EFR3B: variants seen among roughly 807,000 people sequenced by gnomAD.
The protein encoded by EFR3B is EFR3 homolog B, also known as protein EFR3 homolog B.
Under a neutral mutation model 104.7 loss-of-function variants are expected in EFR3B, and 64 were observed. The ratio of observed to expected loss-of-function variants is 0.61; its 90% CI spans 0.50 to 0.75. The LOEUF (loss-of-function observed/expected upper bound fraction) is 0.75. Among genes scored for constraint, EFR3B ranks in the 30% least tolerant of loss-of-function variants. The pLI is 0.00. For synonymous variants in EFR3B, 385 were observed against 417.9 expected, an observed-to-expected ratio of 0.92 and a Z score of 0.96; for missense variants, 750 against 1,078.5, an observed-to-expected ratio of 0.70 and a Z score of 4.27.
chr2:25,043,314 C>T (rs1187989977), intron 1 of EFR3B, among the ~76,000 whole-genome samples: 1 of 152,212 alleles, frequency 6.6e-6, no homozygotes, highest in Non-Finnish European at 1.5e-5. Context: ...TCAGGCTGCA[C>T]TTGAGGGGTC....
intron 1 of EFR3B, among the ~76,000 whole-genome samples, chr2:25,061,302 G>A (rs1283960561): frequency 6.6e-6 from 1 of 151,774 alleles, no homozygotes; most frequent in African/African-American, 2.4e-5. Context: ...TGGTAGAGAC[G>A]GGGTTTCACC....
At chr2:25,140,578 C>G (rs1409505691) in intron 16 of EFR3B, among the ~76,000 whole-genome samples, 3 of 152,118 alleles carry the variant, frequency 2.0e-5, no homozygotes, top group Admixed American at 6.5e-5. Flanking sequence ...CCCTCCACTT[C>G]TTACCACCTT....
chr2:25,136,714 G>C lies in EFR3B; in HGVS notation c.1560+116G>C, dbSNP rs1403435124. On this transcript the variant is annotated intron_variant, in intron 14 of 22. Transcript: ENST00000403714. The surrounding 1 kb of genome is among the most constrained non-coding windows in gnomAD (Gnocchi z 4.0). ...ATAGATCACTTGAGGTGGGGAGCTC[G>C]AGACCAGCCAGACCAACATGGTAAA... The C allele has an allele frequency of 8.6e-6, 7 of 814,432 alleles. No individual in the cohort carries two copies. The Admixed American group carries it at 1.6e-4, about 18-fold the overall frequency. 50.5% of individuals were successfully genotyped at this position (814,432 alleles called of 1,614,324 possible).
intron 3 of EFR3B, among the ~76,000 whole-genome samples, chr2:25,102,516 C>T (rs965395695): frequency 2.6e-5 from 4 of 152,040 alleles, no homozygotes; most frequent in African/African-American, 2.4e-5. Context: ...GAGAGCTGAG[C>T]GAAGGGGGAA....
intron 1 of EFR3B, among the ~76,000 whole-genome samples, chr2:25,085,343 A>C (rs1482586432): frequency 2.6e-5 from 4 of 152,236 alleles, no homozygotes; most frequent in African/African-American, 9.6e-5. Flanking sequence ...AAACTCTAAA[A>C]TTAGGGCTGT....
intron 4 of EFR3B, among the ~76,000 whole-genome samples, chr2:25,108,858 G>C (rs1403096040): frequency 6.8e-6 from 1 of 147,006 alleles, no homozygotes; most frequent in Non-Finnish European, 1.5e-5. Context: ...ATTCAGCCGG[G>C]GTGTGGTGGT....
chr2:25,064,259 C>T (rs538983262), intron 1 of EFR3B, among the ~76,000 whole-genome samples: 3 of 152,232 alleles, frequency 2.0e-5, no homozygotes, highest in African/African-American at 7.2e-5. Flanking sequence ...TTTGGGCGTT[C>T]GAATGATTGA....
intron 3 of EFR3B, among the ~76,000 whole-genome samples, chr2:25,093,619 G>A (rs573246085): frequency 1.3e-5 from 2 of 152,278 alleles, no homozygotes; most frequent in African/African-American, 4.8e-5. Context: ...TGCTGCTGAG[G>A]TTTGGGAAGA....
chr2:25,155,894 T>C lies in EFR3B; in HGVS notation c.*1554T>C, dbSNP rs747777322. ...TTCTAGAGATGGGGGTCTCACTATG[T>C]TGCCCAGGCTGGCCTCGAACTCCTG... On this transcript the variant is annotated 3_prime_UTR_variant, in exon 23 of 23. Coordinates refer to ENST00000403714, the MANE Select transcript of EFR3B (RefSeq NM_014971.2). 8 of 152,000 alleles carry C rather than the reference T, an allele frequency of 5.3e-5. No homozygotes were observed. Among genetic ancestry groups the C allele is most frequent in the African/African-American group, 1.9e-4 (8 of 41,278 alleles). 9.4% of individuals were successfully genotyped at this position (152,000 alleles called of 1,614,324 possible). A position where few individuals can be genotyped will look rare whatever the true frequency, so the allele number is the denominator to read the frequency against.
rs141758265 is a variant in EFR3B at position 25,074,975 on chromosome 2, A to C, written c.8-16350A>C. Among the ~76,000 whole-genome samples, 209 of 152,296 alleles carry C rather than the reference A, an allele frequency of 1.4e-3. 2 individuals carry two copies. Among genetic ancestry groups the C allele is most frequent in the African/African-American group, 4.6e-3 (193 of 41,556 alleles). ...GAAATATGGATTCATGGGCAGTTGC[A>C]AAGAAATGCGCAGAGAGGTCCTTTG... On this transcript the variant is annotated intron_variant, in intron 1 of 22. Transcript: ENST00000403714.
chr2:25,152,954 C>T (rs917745164), intron 21 of EFR3B, among the ~76,000 whole-genome samples: 1 of 152,092 alleles, frequency 6.6e-6, no homozygotes, highest in South Asian at 2.1e-4. Context: ...TCACGGAACA[C>T]GTGCAGTCCC....
At chr2:25,108,536 A>G (rs1669629427) in intron 4 of EFR3B, among the ~76,000 whole-genome samples, 1 of 152,158 alleles carries the variant, frequency 6.6e-6, no homozygotes, top group South Asian at 2.1e-4. Flanking sequence ...ACAAAAATTA[A>G]CTCAAAATAG....
chr2:25,072,630 CCTT>C (rs781557326), intron 1 of EFR3B, among the ~76,000 whole-genome samples: 9 of 152,248 alleles, frequency 5.9e-5, no homozygotes, highest in Non-Finnish European at 1.0e-4. Flanking sequence ...AGATGGTCTC[CCTT>C]CTTCTTAGCT....
At chr2:25,152,360 C>T (rs574284564) in intron 21 of EFR3B, among the ~76,000 whole-genome samples, 1 of 152,344 alleles carries the variant, frequency 6.6e-6, no homozygotes, top group East Asian at 1.9e-4. Flanking sequence ...GTGGTCCTGA[C>T]AGCAGGCACG....
chr2:25,063,673 G>A (rs1345673356), intron 1 of EFR3B, among the ~76,000 whole-genome samples: 1 of 152,150 alleles, frequency 6.6e-6, no homozygotes, highest in East Asian at 1.9e-4. Flanking sequence ...CCTCCTAACC[G>A]ATTGTGAGAG....
chr2:25,141,376 C>A lies in EFR3B; in HGVS notation c.1865C>A (p.Thr622Asn). Residue 622 changes from threonine to asparagine, a missense_variant, in exon 17 of 23, where the codon ACC becomes AAC. Transcript: ENST00000403714. ...FCQHIHEVIE[T>N]RKKEAPYMLP... ...CCTCCCAACCGCCAGGTGATAGAGA[C>A]CAGGAAGAAAGAGGCTCCATACATG... 6.4e-7 allele frequency: 1 copy of A among 1,551,440 alleles called. No homozygotes were observed. Among genetic ancestry groups the A allele is most frequent in the Non-Finnish European group, 8.7e-7 (1 of 1,146,868 alleles).
Position 25,137,458 on chromosome 2 carries a change from G to A in EFR3B, c.1678G>A (p.Glu560Lys), listed in dbSNP as rs1480658484. The A allele has an allele frequency of 1.3e-6, 2 of 1,551,716 alleles. No individual in the cohort carries two copies. The highest frequency in any genetic ancestry group is 1.7e-6 in the Non-Finnish European group (2 of 1,146,986). Residue 560 changes from glutamate to lysine, a missense_variant, in exon 15 of 23, where the codon GAG (glutamate) becomes AAG (lysine). Physicochemically the swap from Glu to Lys is moderately conservative, Grantham distance 56. Coordinates refer to ENST00000403714, the MANE Select transcript of EFR3B (RefSeq NM_014971.2). This position sits in a 1 kb window ranked among gnomAD's most constrained non-coding sequence, Gnocchi z 4.7. The stretch of plus-strand genomic sequence containing the variant: ...CCTCATCAGCATCGAGCTGGCTAAC[G>A]AGGAGGTGGTGGTGGACCTCATCCG... ...LALISIELANEEVVVDLIRLV... is the reference protein window; with the variant it reads ...LALISIELANKEVVVDLIRLV...
At chr2:25,054,393 C>T (rs1377741040) in intron 1 of EFR3B, among the ~76,000 whole-genome samples, 1 of 151,978 alleles carries the variant, frequency 6.6e-6, no homozygotes, top group Non-Finnish European at 1.5e-5. Context: ...ATGATCTCAC[C>T]TCACTGCAAC....
At chr2:25,127,784 G>T (rs979549725) in intron 5 of EFR3B, among the ~76,000 whole-genome samples, 1 of 152,136 alleles carries the variant, frequency 6.6e-6, no homozygotes, top group Non-Finnish European at 1.5e-5. Context: ...CTCTGGATCC[G>T]CCTCCCCCTG....
Sources: gnomAD v4.1 joint callset for allele counts (sites outside exome capture counted in the v4.1 genomes callset) on GRCh38, gnomAD v4.1.1 for gene constraint, Gnocchi (gnomAD v3.1) non-coding constraint, MANE v1.5 for transcripts, NCBI Gene and HGNC (gene_info 2026-07-23, HGNC 2026-07-21) for gene names.